The following PRR5 variants were observed in gnomAD, a reference collection of about 807,000 sequenced individuals.
PRR5 encodes proline-rich protein 5.
A neutral mutation model predicts 30.6 loss-of-function variants in PRR5; 25 were observed. The observed-to-expected ratio is 0.82, with a 90% CI of 0.60 to 1.14. The LOEUF (loss-of-function observed/expected upper bound fraction) is 1.14, where lower values mean the gene tolerates loss of function less well. PRR5 is among the 50% of genes most tolerant of loss of function. PRR5 has a pLI of 0.00. For synonymous variants in PRR5, 286 were observed against 247.1 expected, an observed-to-expected ratio of 1.16 and a Z score of -1.48; for missense variants, 600 against 547.1, an observed-to-expected ratio of 1.10 and a Z score of -0.96.
intron 1 of PRR5, among the ~76,000 whole-genome samples, chr22:44,686,203 A>G (rs1924733313): frequency 6.6e-6 from 1 of 151,964 alleles, no homozygotes; most frequent in Non-Finnish European, 1.5e-5. Context: ...GTGAGCTGAG[A>G]TCGCACCACT....
chr22:44,731,819 C>T lies in PRR5; in HGVS notation c.412C>T (p.Gln138Ter). The T allele has an allele frequency of 6.2e-7, 1 of 1,612,588 alleles. No individual in the cohort carries two copies. The highest frequency in any genetic ancestry group is 8.5e-7 in the Non-Finnish European group (1 of 1,179,836). Residue 138 changes from glutamine (Q) to a stop codon, truncating the protein, a stop_gained and splice_region_variant, in exon 5 of 8, where the codon CAG becomes TAG. Coordinates refer to ENST00000336985, the MANE Select transcript of PRR5 (RefSeq NM_181333.4). LOFTEE classifies it high-confidence loss of function. ...PMLQAIFYPV[Q>*]GKEPSVRQLA... ...GCTGCAGGCCATCTTCTACCCGGTG[C>T]AGGTGGGCAGCCCAGCCCTGGGGAG...
At chr22:44,725,207 G>T (rs1228194094) in intron 2 of PRR5, 37 bp from the exon 3 acceptor site, 2 of 1,613,152 alleles carry the variant, frequency 1.2e-6, no homozygotes, top group Non-Finnish European at 1.7e-6. Context: ...GTGCCGTGTG[G>T]TCTGGGACTC....
At position 44,732,408 on chromosome 22, in the gene PRR5, G is replaced by C. The variant is rs5764979; in HGVS notation, c.555+17G>C. On this transcript the variant is annotated intron_variant, in intron 6 of 7. Coordinates refer to ENST00000336985, the MANE Select transcript of PRR5 (RefSeq NM_181333.4). The stretch of plus-strand genomic sequence containing the variant: ...GTGCTGCAGGTGGGCACAGTGGGCA[G>C]AGGGTCGGGCATGGGGACCGTGGGG... 0.47 allele frequency: 750,354 copies of C among 1,597,888 alleles called. 191,822 individuals are homozygous for C. The highest frequency in any genetic ancestry group is 0.9 in the East Asian group (40,080 of 44,632).
At chr22:44,679,983 C>T (rs1462588067) in intron 1 of PRR5, 6 of 1,139,620 alleles carry the variant, frequency 5.3e-6, no homozygotes, top group East Asian at 5.2e-5. Context: ...AGTAGGACGG[C>T]GAGAGACCCA....
intron 1 of PRR5, among the ~76,000 whole-genome samples, chr22:44,685,039 G>A (rs757618600): frequency 1.3e-5 from 2 of 152,196 alleles, no homozygotes; most frequent in African/African-American, 4.8e-5. Context: ...AGTCACAGCT[G>A]GGCTCTGATT....
intron 5 of PRR5, among the ~76,000 whole-genome samples, chr22:44,732,031 A>G (rs6006858): frequency 0.071 from 10,781 of 152,316 alleles, 605 homozygotes; most frequent in African/African-American, 0.16. Flanking sequence ...ATCCCCCAGC[A>G]GCGAGGCACA....
intron 1 of PRR5, chr22:44,679,715 A>G: frequency 8.4e-7 from 1 of 1,186,594 alleles, no homozygotes. Flanking sequence ...TCAAAATAAT[A>G]ATAATAACAA....
rs181655885 is a variant in PRR5 at position 44,689,221 on chromosome 22, C to T, written c.-11+11981C>T. ...CCCTCCCATTTATTACCATTTCTTA[C>T]GGGGACCTTACCGGATCCTGCCCAC... is the stretch of plus-strand genomic sequence containing the variant. On this transcript the variant is annotated intron_variant, in intron 1 of 8. Transcript: ENST00000006251. Among the ~76,000 whole-genome samples the T allele has an allele frequency of 3.1e-4, 47 of 152,240 alleles. 1 individual carries two copies. Among genetic ancestry groups the T allele is most frequent in the African/African-American group, 1.0e-3 (43 of 41,544 alleles).
intron 2 of PRR5, among the ~76,000 whole-genome samples, chr22:44,716,063 C>G (rs984843138): frequency 4.6e-5 from 7 of 152,234 alleles, no homozygotes; most frequent in Admixed American, 1.3e-4. Context: ...GTGTGAACAG[C>G]ATTGGTAATT....
intron 2 of PRR5, among the ~76,000 whole-genome samples, chr22:44,716,787 C>T (rs148381028): frequency 6.6e-6 from 1 of 152,288 alleles, no homozygotes; most frequent in Non-Finnish European, 1.5e-5. Flanking sequence ...TTAGCCTGGG[C>T]ACAGTGGCTC....
intron 1 of PRR5, among the ~76,000 whole-genome samples, chr22:44,712,995 G>A (rs1928489463): frequency 6.6e-6 from 1 of 152,186 alleles, no homozygotes; most frequent in African/African-American, 2.4e-5. Flanking sequence ...CTCATGGATA[G>A]GGATGAGAAG....
intron 1 of PRR5, 34 bp downstream of exon 1, chr22:44,702,642 C>G: frequency 7.9e-7 from 1 of 1,263,464 alleles, no homozygotes; most frequent in Non-Finnish European, 1.0e-6. Flanking sequence ...CCCGGAGGCC[C>G]TGGAGCCGGG....
chr22:44,671,029 C>T lies in PRR5; in HGVS notation c.-11+2224C>T, dbSNP rs1012751836. On this transcript the variant is annotated intron_variant, in intron 1 of 8. Transcript: ENST00000432186. ...TCATGAAGACCTTCCCCAGGCCCCA[C>T]AGATGGCAAGGAGGGCCCCTCAAGA... is the stretch of plus-strand genomic sequence containing the variant. Among the ~76,000 whole-genome samples, 7 of 152,350 alleles carry T rather than the reference C, an allele frequency of 4.6e-5. No homozygotes were observed. The South Asian group carries it at 6.2e-4, about 14-fold the overall frequency.
At chr22:44,711,379 T>C (rs1378325815) in intron 1 of PRR5, among the ~76,000 whole-genome samples, 1 of 151,962 alleles carries the variant, frequency 6.6e-6, no homozygotes, top group African/African-American at 2.4e-5. Flanking sequence ...CCAGGGCAGC[T>C]TCAGCCTGGG....
rs1438849847 is a variant in PRR5, at chr22:44,735,145, C to A, written c.674C>A (p.Thr225Asn). 1 of 1,612,922 alleles carries A rather than the reference C, an allele frequency of 6.2e-7. No homozygotes were observed. The highest frequency in any genetic ancestry group is 8.5e-7 in the Non-Finnish European group (1 of 1,179,838). ...CTCCACTCCAGCGAGGGGCCCTTCA[C>A]CCATTCCTGCATCCTGGGTAGGGGT... The part of the protein sequence containing the change: ...YGLHSSEGPF[T>N]HSCILEKRLL... Residue 225 changes from threonine to asparagine, a missense_variant, in exon 7 of 8, where the codon ACC becomes AAC. Thr to Asn is a moderately conservative substitution (Grantham distance 65). Transcript: ENST00000336985.
At chr22:44,673,479 C>A (rs1923541172), upstream of PRR5, among the ~76,000 whole-genome samples, 1 of 152,230 alleles carries the variant, frequency 6.6e-6, no homozygotes, top group Non-Finnish European at 1.5e-5. Flanking sequence ...GTTCCATCAT[C>A]ATCCCATTGT....
At chr22:44,735,309 A>G in intron 7 of PRR5, 147 bp downstream of exon 7, 1 of 1,246,708 alleles carries the variant, frequency 8.0e-7, no homozygotes, top group Non-Finnish European at 1.1e-6. Context: ...CCAGCCTGCC[A>G]TATGCTGGCC....
intron 1 of PRR5, among the ~76,000 whole-genome samples, chr22:44,671,549 C>A (rs940164503): frequency 3.9e-5 from 6 of 151,910 alleles, no homozygotes; most frequent in Non-Finnish European, 8.8e-5. Context: ...TCTGGTGGCC[C>A]AGCAGGAGGA....
upstream of PRR5, among the ~76,000 whole-genome samples, chr22:44,675,762 G>GTTATTATTATTATTATTATTA (rs150864660): frequency 4.9e-5 from 7 of 142,964 alleles, no homozygotes; most frequent in African/African-American, 1.3e-4. Flanking sequence ...TGTTGCTGTT[G>GTTATTATTATTATTATTATTA]TTATTATTAT....
Sources: allele counts gnomAD v4.1 joint callset (sites outside exome capture counted in the v4.1 genomes callset), GRCh38; gene constraint gnomAD v4.1.1; transcripts MANE v1.5; gene names NCBI Gene and HGNC (gene_info 2026-07-23, HGNC 2026-07-21).